The following GALNT17 variants were observed in gnomAD, a reference collection of about 807,000 sequenced individuals.
GALNT17 encodes the protein UDP-GalNAc:polypeptide N-acetylgalactosaminyltransferase-like 3.
GALNT17 carries 29 observed loss-of-function variants against 63.7 expected under a neutral mutation model. The observed-to-expected ratio is 0.46, with a 90% CI of 0.34 to 0.62. GALNT17 has a LOEUF of 0.62. GALNT17 is among the 20% of genes least tolerant of loss of function. The pLI is 0.01. For synonymous variants in GALNT17, 305 were observed against 318.3 expected (o/e 0.96, Z 0.45); for missense variants, 603 against 799.6 (o/e 0.75, Z 2.97).
At chr7:71,604,170 G>A (rs1360261707) in intron 6 of GALNT17, among the ~76,000 whole-genome samples, 1 of 151,920 alleles carries the variant, frequency 6.6e-6, no homozygotes, top group East Asian at 1.9e-4. Flanking sequence ...ACTATGCTAA[G>A]CGCATATACC....
chr7:71,504,567 T>C (rs1011106789), intron 5 of GALNT17, among the ~76,000 whole-genome samples: 25 of 151,560 alleles, frequency 1.6e-4, no homozygotes, highest in African/African-American at 6.0e-4. Flanking sequence ...AGTTTACTTA[T>C]TTACATATTT....
chr7:71,476,348 C>A (rs1393616417), intron 5 of GALNT17, among the ~76,000 whole-genome samples: 3 of 152,152 alleles, frequency 2.0e-5, no homozygotes, highest in Non-Finnish European at 4.4e-5. Flanking sequence ...TGTGGAGATG[C>A]AAACAGCATA....
chr7:71,390,665 C>A (rs1303021177), intron 3 of GALNT17, among the ~76,000 whole-genome samples: 9 of 152,154 alleles, frequency 5.9e-5, no homozygotes, highest in Non-Finnish European at 1.0e-4. Flanking sequence ...CTTCCACACA[C>A]CCCTGCATAT....
chr7:71,662,683 A>G (rs1484248154), intron 6 of GALNT17, among the ~76,000 whole-genome samples: 1 of 152,200 alleles, frequency 6.6e-6, no homozygotes, highest in African/African-American at 2.4e-5. Flanking sequence ...AGGTTCATCC[A>G]TGTTGTAGCA....
In GALNT17 at chr7:71,572,514, A is replaced by AAAC. The variant is rs1310776809; in HGVS notation, c.1080+1114_1080+1115insCAA. On this transcript the variant is annotated intron_variant, in intron 6 of 10. Transcript: ENST00000333538. ...AAGACCCTGTCTCATTAAAAAAAAA[A>AAAC]AAAAAAAAAAAAAAAACTACATGTT... Among the ~76,000 whole-genome samples, 71 of 138,182 alleles carry AAAC rather than the reference A, an allele frequency of 5.1e-4. 4 individuals are homozygous for AAAC. Among genetic ancestry groups the AAAC allele is most frequent in the Non-Finnish European group, 6.3e-4 (40 of 63,102 alleles). 90.7% of individuals were successfully genotyped at this position (138,182 alleles called of 152,430 possible).
chr7:71,258,288 C>T (rs1790323600), intron 1 of GALNT17, among the ~76,000 whole-genome samples: 1 of 152,234 alleles, frequency 6.6e-6, no homozygotes, highest in Non-Finnish European at 1.5e-5. Context: ...AAGCTGTTCA[C>T]TGCACTCAGT....
At chr7:71,570,025 C>T (rs1482074830) in intron 5 of GALNT17, among the ~76,000 whole-genome samples, 1 of 151,572 alleles carries the variant, frequency 6.6e-6, no homozygotes, top group African/African-American at 2.4e-5. Context: ...CTTTTCTCCA[C>T]ACCTTGCCAA....
At chr7:71,280,982 C>T (rs1426540949) in intron 1 of GALNT17, among the ~76,000 whole-genome samples, 1 of 152,046 alleles carries the variant, frequency 6.6e-6, no homozygotes, top group Non-Finnish European at 1.5e-5. Context: ...AGATGAGAAC[C>T]ACAGATGCCC....
intron 6 of GALNT17, among the ~76,000 whole-genome samples, chr7:71,614,389 T>G (rs924244844): frequency 1.3e-5 from 2 of 150,894 alleles, no homozygotes; most frequent in Non-Finnish European, 3.0e-5. Flanking sequence ...TCCCCAAATT[T>G]GAAAAGATCC....
chr7:71,463,677 G>C (rs1563111994), intron 5 of GALNT17, among the ~76,000 whole-genome samples: 1 of 152,138 alleles, frequency 6.6e-6, no homozygotes, highest in South Asian at 2.1e-4. Flanking sequence ...AAAGGGGTAG[G>C]CAATTCCCAG....
At chr7:71,293,846 T>A (rs1167249654) in intron 1 of GALNT17, among the ~76,000 whole-genome samples, 1 of 152,214 alleles carries the variant, frequency 6.6e-6, no homozygotes, top group Non-Finnish European at 1.5e-5. Flanking sequence ...TGAGGCACTT[T>A]TCTCTTTCTG....
chr7:71,640,026 C>T lies in GALNT17; in HGVS notation c.1081-25385C>T, dbSNP rs1429454601. Among the ~76,000 whole-genome samples the T allele has an allele frequency of 2.6e-5, 4 of 152,126 alleles. No individual in the cohort carries two copies. In the East Asian group the frequency reaches 7.7e-4, roughly 29 times the overall value. On this transcript the variant is annotated intron_variant, in intron 6 of 10. Coordinates refer to ENST00000333538, the MANE Select transcript of GALNT17 (RefSeq NM_022479.3). ...AACAAAGCAAGAGTGGGGAAAAAAA[C>T]AACGTTCATCTTAGAATATCAGGAT...
intron 1 of GALNT17, among the ~76,000 whole-genome samples, chr7:71,206,095 G>T (rs925621686): frequency 1.3e-5 from 2 of 148,420 alleles, no homozygotes; most frequent in African/African-American, 4.9e-5. Context: ...AGGTGTGTGT[G>T]TTCATGTGTG....
At chr7:71,286,004 A>T in intron 1 of GALNT17, among the ~76,000 whole-genome samples, 1 of 152,172 alleles carries the variant, frequency 6.6e-6, no homozygotes, top group East Asian at 1.9e-4. Context: ...ATGCGTTCCC[A>T]ACCTAAATTC....
chr7:71,271,066 A>G lies in GALNT17; in HGVS notation c.239-64484A>G, dbSNP rs1486826838. ...TAATTGTTTCATACGGGATAGTGTTAATAATACCAAATTTCATTCCTAAAG... is the reference window on the plus strand; with the variant it reads ...TAATTGTTTCATACGGGATAGTGTTGATAATACCAAATTTCATTCCTAAAG... On this transcript the variant is annotated intron_variant, in intron 1 of 10. Transcript: ENST00000333538. Among the ~76,000 whole-genome samples the G allele has an allele frequency of 3.3e-5, 5 of 152,322 alleles. No homozygotes were observed. The East Asian group carries it at 9.6e-4, about 29-fold the overall frequency.
intron 2 of GALNT17, among the ~76,000 whole-genome samples, chr7:71,369,546 C>T (rs1226700261): frequency 6.6e-6 from 1 of 152,246 alleles, no homozygotes; most frequent in East Asian, 1.9e-4. Context: ...GGCGTGGTGG[C>T]TCACGCCTGT....
At chr7:71,547,670 T>A (rs1789008967) in intron 5 of GALNT17, among the ~76,000 whole-genome samples, 2 of 152,116 alleles carry the variant, frequency 1.3e-5, no homozygotes, top group African/African-American at 4.8e-5. Context: ...GGAGAGACTG[T>A]CACTATTTTC....
chr7:71,428,732 C>T (rs1445027725), intron 5 of GALNT17, among the ~76,000 whole-genome samples: 7 of 152,142 alleles, frequency 4.6e-5, no homozygotes, highest in African/African-American at 1.2e-4. Context: ...CCACTGCGCC[C>T]GGCTGACATC....
chr7:71,570,149 G>T (rs2116875057), intron 5 of GALNT17, among the ~76,000 whole-genome samples: 1 of 151,426 alleles, frequency 6.6e-6, no homozygotes, highest in Admixed American at 6.6e-5. Context: ...AGGTCAACTT[G>T]TGCCTTTAGC....
Sources: allele counts gnomAD v4.1 joint callset (sites outside exome capture counted in the v4.1 genomes callset), GRCh38; gene constraint gnomAD v4.1.1; transcripts MANE v1.5; gene names NCBI Gene and HGNC (gene_info 2026-07-23, HGNC 2026-07-21).